MITF: variants seen among roughly 807,000 people sequenced by gnomAD.
MITF encodes microphthalmia-associated transcription factor.
In MITF, 17 loss-of-function variants were observed where a neutral mutation model predicts 60.5. The observed-to-expected ratio is 0.28, with a 90% confidence interval of 0.19 to 0.42. The LOEUF (loss-of-function observed/expected upper bound fraction) is 0.42, where lower values mean the gene tolerates loss of function less well. MITF is among the 10% of genes least tolerant of loss of function. MITF has a pLI of 1.00. For missense variants in MITF, 622 were observed against 683.5 expected (o/e 0.91, Z 1.00); for synonymous variants, 260 against 248.5 (o/e 1.05, Z -0.43).
At chr3:69,962,352 A>G (rs1005968360) in intron 9 of MITF, among the ~76,000 whole-genome samples, 2 of 152,240 alleles carry the variant, frequency 1.3e-5, no homozygotes, top group East Asian at 1.9e-4. Flanking sequence ...AGGGCTTTCA[A>G]ATGGTGCCTG....
At chr3:69,846,135 CTTTT>C (rs3044615) in intron 1 of MITF, among the ~76,000 whole-genome samples, 2 of 147,154 alleles carry the variant, frequency 1.4e-5, no homozygotes, top group Non-Finnish European at 1.5e-5. Flanking sequence ...CTGCCTAGGG[CTTTT>C]TTTTTTTTTT....
At chr3:69,752,721 G>A (rs968495234) in intron 1 of MITF, among the ~76,000 whole-genome samples, 4 of 152,144 alleles carry the variant, frequency 2.6e-5, no homozygotes, top group African/African-American at 9.7e-5. Context: ...TTGCAGCCTG[G>A]CCATGTAGTA....
chr3:69,808,149 A>C (rs1291658908), intron 1 of MITF, among the ~76,000 whole-genome samples: 2 of 148,444 alleles, frequency 1.3e-5, no homozygotes, highest in African/African-American at 4.9e-5. Context: ...AAATATATAT[A>C]TAAAATTAGA....
At chr3:69,950,414 T>G (rs1162658730) in intron 6 of MITF, among the ~76,000 whole-genome samples, 1 of 148,308 alleles carries the variant, frequency 6.7e-6, no homozygotes, top group Non-Finnish European at 1.5e-5. Flanking sequence ...TGATTTGAAC[T>G]GACCATCACA....
intron 1 of MITF, among the ~76,000 whole-genome samples, chr3:69,792,078 C>T (rs1259190039): frequency 6.6e-6 from 1 of 152,170 alleles, no homozygotes; most frequent in African/African-American, 2.4e-5. Context: ...TGTCATCTAG[C>T]ACAGTTGCTG....
At chr3:69,906,529 T>C (rs1362415550) in intron 2 of MITF, among the ~76,000 whole-genome samples, 1 of 152,212 alleles carries the variant, frequency 6.6e-6, no homozygotes, top group Non-Finnish European at 1.5e-5. Flanking sequence ...ATTCTACTAG[T>C]TATCTTTCTC....
intron 1 of MITF, among the ~76,000 whole-genome samples, chr3:69,826,822 C>A (rs1405303589): frequency 6.6e-6 from 1 of 152,178 alleles, no homozygotes; most frequent in African/African-American, 2.4e-5. Flanking sequence ...AAGTATCAGC[C>A]AAGCTTATTT....
In MITF at chr3:69,965,386, T is replaced by G. The variant is rs886569803; in HGVS notation, c.*138T>G. On this transcript the variant is annotated 3_prime_UTR_variant, in exon 10 of 10. Transcript: ENST00000352241. The stretch of plus-strand genomic sequence containing the variant: ...TTCATGCTTTATCAATAGCCCAGGA[T>G]ATATTTTATTTTTAGAATTTTGTGA... 12 of 842,502 alleles carry G rather than the reference T, an allele frequency of 1.4e-5. No individual in the cohort carries two copies. Among genetic ancestry groups the G allele is most frequent in the Non-Finnish European group, 2.2e-5 (12 of 554,342 alleles). The allele number at this position is 842,502 out of a possible 1,614,324, so 52.2% of individuals were successfully genotyped here.
chr3:69,781,586 G>A (rs775621041), intron 1 of MITF, among the ~76,000 whole-genome samples: 28 of 152,154 alleles, frequency 1.8e-4, no homozygotes, highest in Non-Finnish European at 3.4e-4. Context: ...TGTACAAAAT[G>A]TGGGAGTATA....
intron 2 of MITF, among the ~76,000 whole-genome samples, chr3:69,923,437 C>T (rs766923072): frequency 6.6e-6 from 1 of 152,116 alleles, no homozygotes; most frequent in Admixed American, 6.5e-5. Flanking sequence ...CTCTGCCTCC[C>T]GGGTTCAATC....
intron 1 of MITF, among the ~76,000 whole-genome samples, chr3:69,753,018 C>T (rs972492156): frequency 1.3e-5 from 2 of 152,178 alleles, no homozygotes; most frequent in Admixed American, 1.3e-4. Context: ...GGGGAGAAGG[C>T]CTCAAAAGCA....
chr3:69,879,099 A>G (rs1483488969), intron 1 of MITF, 35 bp from the exon 2 acceptor site: 1 of 1,585,962 alleles, frequency 6.3e-7, no homozygotes, highest in African/African-American at 1.3e-5. Context: ...CTCATTAGGA[A>G]ACTAAATGTT....
Position 69,739,706 on chromosome 3 carries a change from G to A in MITF, c.104+5G>A, listed in dbSNP as rs1703452931. 3 of 1,561,476 alleles carry A rather than the reference G, an allele frequency of 1.9e-6. No individual in the cohort carries two copies. Among genetic ancestry groups the A allele is most frequent in the Non-Finnish European group, 2.6e-6 (3 of 1,150,656 alleles). On this transcript the variant is annotated splice_donor_5th_base_variant and intron_variant, in intron 1 of 9. Coordinates refer to ENST00000352241, the MANE Select transcript of MITF (RefSeq NM_001354604.2). ...AAGTCAACCGCTGAAGAGCAGGTGAGTGGTGACAGCTGGGCAGAGGCGCAC... is the reference window on the plus strand; with the variant it reads ...AAGTCAACCGCTGAAGAGCAGGTGAATGGTGACAGCTGGGCAGAGGCGCAC...
At chr3:69,884,924 T>C (rs2064575482) in intron 2 of MITF, among the ~76,000 whole-genome samples, 1 of 152,166 alleles carries the variant, frequency 6.6e-6, no homozygotes, top group African/African-American at 2.4e-5. Flanking sequence ...CAACTAAGCC[T>C]ATGAATTAAT....
intron 9 of MITF, among the ~76,000 whole-genome samples, chr3:69,962,039 T>A (rs1005625975): frequency 1.3e-5 from 2 of 152,238 alleles, no homozygotes; most frequent in Non-Finnish European, 2.9e-5. Flanking sequence ...ATCACCTTAT[T>A]TAGAAATCTG....
chr3:69,831,158 G>A (rs2063440690), intron 1 of MITF, among the ~76,000 whole-genome samples: 1 of 152,150 alleles, frequency 6.6e-6, no homozygotes, highest in Non-Finnish European at 1.5e-5. Flanking sequence ...TAATGCTGTT[G>A]AAGATGTAAG....
intron 2 of MITF, among the ~76,000 whole-genome samples, chr3:69,930,623 G>A (rs907167671): frequency 1.3e-5 from 2 of 152,208 alleles, no homozygotes; most frequent in Non-Finnish European, 2.9e-5. Context: ...AATATTTGTT[G>A]ATTGAATGGT....
chr3:69,876,504 TAAAATGGGAAA>T (rs1169161266), intron 1 of MITF, among the ~76,000 whole-genome samples: 1 of 149,940 alleles, frequency 6.7e-6, no homozygotes, highest in African/African-American at 2.4e-5. Flanking sequence ...ACACATACTC[TAAAATGGGAAA>T]ATACATTTTT....
chr3:69,857,604 A>G (rs62253181), intron 1 of MITF, among the ~76,000 whole-genome samples: 21,099 of 151,962 alleles, frequency 0.14, 1,615 homozygotes, highest in South Asian at 0.18. Flanking sequence ...AAGTATAGGA[A>G]CTAAACATGT....
Sources: gnomAD v4.1 joint callset for allele counts (sites outside exome capture counted in the v4.1 genomes callset) on GRCh38, gnomAD v4.1.1 for gene constraint, MANE v1.5 for transcripts, NCBI Gene and HGNC (gene_info 2026-07-23, HGNC 2026-07-21) for gene names.